The following ESF1 variants were observed in gnomAD, a reference collection of about 807,000 sequenced individuals.
ESF1 encodes ESF1 nucleolar pre-rRNA processing protein.
Under a neutral mutation model 92.0 loss-of-function variants are expected in ESF1, and 58 were observed. The observed-to-expected ratio is 0.63, with a 90% CI of 0.51 to 0.78. The LOEUF is 0.78. Ranked by LOEUF, ESF1 falls within the 30% of genes least tolerant of loss-of-function variation. The pLI, the probability that ESF1 is intolerant of heterozygous loss-of-function variation, is 0.00. For synonymous variants in ESF1, 321 were observed against 313.7 expected, an observed-to-expected ratio of 1.02 and a Z score of -0.24; for missense variants, 922 against 989.1, an observed-to-expected ratio of 0.93 and a Z score of 0.91.
chr20:13,756,062 T>C (rs530386445), intron 9 of ESF1, among the ~76,000 whole-genome samples: 1 of 152,306 alleles, frequency 6.6e-6, no homozygotes, highest in East Asian at 1.9e-4. Context: ...AGGGTAACTG[T>C]TACAGAAAAC....
chr20:13,772,700 G>C, intron 4 of ESF1, 85 bp from the exon 5 acceptor site: 3 of 921,038 alleles, frequency 3.3e-6, no homozygotes, highest in Non-Finnish European at 5.2e-6. Flanking sequence ...AACTCTAAAA[G>C]TCACAACTTG....
At chr20:13,717,949 T>C (rs1248914131) in intron 12 of ESF1, among the ~76,000 whole-genome samples, 1 of 152,126 alleles carries the variant, frequency 6.6e-6, no homozygotes, top group Non-Finnish European at 1.5e-5. Context: ...AGTAAGTTTT[T>C]TTTTTGCTTT....
chr20:13,764,286 A>C (rs756831677), intron 8 of ESF1, among the ~76,000 whole-genome samples: 1 of 152,234 alleles, frequency 6.6e-6, no homozygotes, highest in Admixed American at 6.5e-5. Flanking sequence ...AGAAGAATGA[A>C]GATGTGAAGG....
chr20:13,717,278 G>T lies in ESF1; in HGVS notation c.2262+90C>A, dbSNP rs1260942489. On this transcript the variant is annotated intron_variant, in intron 13 of 13. Transcript: ENST00000617257. ...CCGGGCCCCTAAGACATTTTCAAGG[G>T]TAACTTTGACTATGCTCAATTTCTA... 3 of 1,494,490 alleles carry T rather than the reference G, an allele frequency of 2.0e-6. No individual in the cohort carries two copies. In the African/African-American group the frequency reaches 4.2e-5, roughly 21 times the overall value. The allele number at this position is 1,494,490 out of a possible 1,614,324, so 92.6% of individuals were successfully genotyped here.
At chr20:13,725,024 C>T (rs992663306) in intron 11 of ESF1, among the ~76,000 whole-genome samples, 4 of 152,146 alleles carry the variant, frequency 2.6e-5, no homozygotes, top group African/African-American at 9.7e-5. Context: ...TACGCCCCAT[C>T]TTTCTCCATT....
intron 11 of ESF1, among the ~76,000 whole-genome samples, chr20:13,726,474 C>G (rs2049901575): frequency 6.6e-6 from 1 of 152,204 alleles, no homozygotes; most frequent in Admixed American, 6.5e-5. Context: ...TGCCTGACTC[C>G]TCATTCCACA....
chr20:13,749,716 C>A (rs921159046), intron 9 of ESF1, among the ~76,000 whole-genome samples: 1 of 151,964 alleles, frequency 6.6e-6, no homozygotes, highest in African/African-American at 2.4e-5. Flanking sequence ...CAGGCACGAG[C>A]CACCATGCCT....
At chr20:13,778,077 T>C (rs184123020) in intron 2 of ESF1, among the ~76,000 whole-genome samples, 37 of 152,298 alleles carry the variant, frequency 2.4e-4, no homozygotes, top group African/African-American at 8.7e-4. Context: ...TCAATCACCA[T>C]ACAGTGAGAG....
At chr20:13,724,872 A>C (rs2049890777) in intron 11 of ESF1, among the ~76,000 whole-genome samples, 1 of 152,168 alleles carries the variant, frequency 6.6e-6, no homozygotes, top group Admixed American at 6.5e-5. Context: ...TGTGCCTTTG[A>C]AAAGCCATGT....
At chr20:13,734,802 C>A (rs1266515280) in intron 9 of ESF1, among the ~76,000 whole-genome samples, 1 of 152,024 alleles carries the variant, frequency 6.6e-6, no homozygotes, top group African/African-American at 2.4e-5. Flanking sequence ...ACCAGATCAT[C>A]TTCTCAGATA....
At chr20:13,774,844 C>A (rs1221477112) in intron 4 of ESF1, among the ~76,000 whole-genome samples, 1 of 151,904 alleles carries the variant, frequency 6.6e-6, no homozygotes, top group African/African-American at 2.4e-5. Flanking sequence ...AGATTTTTTC[C>A]TTAATTGGCC....
At chr20:13,739,455 TTTA>T (rs1438272466) in intron 9 of ESF1, among the ~76,000 whole-genome samples, 1 of 152,186 alleles carries the variant, frequency 6.6e-6, no homozygotes, top group African/African-American at 2.4e-5. Context: ...TTGCCTGTAC[TTTA>T]TTTGTATGTT....
At chr20:13,776,749 C>T (rs757956324) in intron 2 of ESF1, among the ~76,000 whole-genome samples, 2 of 152,216 alleles carry the variant, frequency 1.3e-5, no homozygotes, top group South Asian at 4.1e-4. Context: ...AATGGGGTCC[C>T]TAAGTGAGTG....
At chr20:13,766,329 T>G (rs925320409) in intron 8 of ESF1, among the ~76,000 whole-genome samples, 9 of 152,060 alleles carry the variant, frequency 5.9e-5, no homozygotes, top group Non-Finnish European at 1.3e-4. Context: ...CTTACCATAG[T>G]AAAACTGCAG....
chr20:13,776,749 CTAAG>C (rs1979961045), intron 2 of ESF1, among the ~76,000 whole-genome samples: 1 of 152,098 alleles, frequency 6.6e-6, no homozygotes, highest in Non-Finnish European at 1.5e-5. Context: ...AATGGGGTCC[CTAAG>C]TGAGTGATAA....
At chr20:13,761,443 ATC>A (rs1979198409) in intron 8 of ESF1, among the ~76,000 whole-genome samples, 1 of 151,734 alleles carries the variant, frequency 6.6e-6, no homozygotes, top group African/African-American at 2.4e-5. Context: ...ATGGCATTTT[ATC>A]CCTCTTTATG....
chr20:13,757,226 A>C (rs1347374098), intron 9 of ESF1, among the ~76,000 whole-genome samples: 1 of 152,254 alleles, frequency 6.6e-6, no homozygotes, highest in Non-Finnish European at 1.5e-5. Flanking sequence ...TGCCACAAGT[A>C]CAAATATTTT....
At chr20:13,750,937 T>C (rs1203817600) in intron 9 of ESF1, among the ~76,000 whole-genome samples, 4 of 152,082 alleles carry the variant, frequency 2.6e-5, no homozygotes, top group Non-Finnish European at 5.9e-5. Context: ...CCACTGCATT[T>C]CAGCCTGGGC....
Position 13,760,644 on chromosome 20 carries a change from G to A in ESF1, c.1667-791C>T, listed in dbSNP as rs1246864382. ...TGAGGAGCGTCTCCGCCCGGCAGCC[G>A]CCCTGTCCGGGAGGGAGGCGGGGGG... is the stretch of plus-strand genomic sequence containing the variant. On this transcript the variant is annotated intron_variant, in intron 8 of 13. Transcript: ENST00000617257. Among the ~76,000 whole-genome samples, 208 of 151,784 alleles carry A rather than the reference G, an allele frequency of 1.4e-3. 1 individual carries two copies. The highest frequency in any genetic ancestry group is 4.5e-3 in the African/African-American group (187 of 41,360).
Sources: gnomAD v4.1 joint callset for allele counts (sites outside exome capture counted in the v4.1 genomes callset) on GRCh38, gnomAD v4.1.1 for gene constraint, MANE v1.5 for transcripts, NCBI Gene and HGNC (gene_info 2026-07-23, HGNC 2026-07-21) for gene names.